The following SPIDR variants were observed in gnomAD, a reference collection of about 807,000 sequenced individuals.
The protein encoded by SPIDR is scaffold protein involved in DNA repair.
Under a neutral mutation model 104.6 loss-of-function variants are expected in SPIDR, and 93 were observed. That is an observed-to-expected ratio of 0.89 (90% CI 0.75 to 1.06). SPIDR has a LOEUF of 1.06. Ranked by LOEUF, SPIDR falls within the 50% of genes least tolerant of loss-of-function variation. The pLI is 0.00. For synonymous variants in SPIDR, 431 were observed against 416.9 expected, an observed-to-expected ratio of 1.03 and a Z score of -0.41; for missense variants, 1,154 against 1,111.2, an observed-to-expected ratio of 1.04 and a Z score of -0.55.
In SPIDR at chr8:47,410,835, G is replaced by A. The variant is rs1206340581; in HGVS notation, c.877+2874G>A. Among the ~76,000 whole-genome samples the A allele has an allele frequency of 2.6e-5, 4 of 152,096 alleles. No individual in the cohort carries two copies. The East Asian group carries it at 7.7e-4, about 29-fold the overall frequency. On this transcript the variant is annotated intron_variant, in intron 7 of 19. Coordinates refer to ENST00000297423, the MANE Select transcript of SPIDR (RefSeq NM_001080394.4). Reference sequence around the variant, plus strand: ...TCCCCCAACCCCACAACAGGCCTCAGTGTGTGATGTTCCCCTTCCTGTGTC... The same window carrying A: ...TCCCCCAACCCCACAACAGGCCTCAATGTGTGATGTTCCCCTTCCTGTGTC...
At chr8:47,626,038 A>G (rs2066036685) in intron 10 of SPIDR, among the ~76,000 whole-genome samples, 1 of 152,206 alleles carries the variant, frequency 6.6e-6, no homozygotes, top group Non-Finnish European at 1.5e-5. Flanking sequence ...ACCAAAACAG[A>G]GATATAGACC....
chr8:47,677,731 A>C (rs751401362), intron 11 of SPIDR, among the ~76,000 whole-genome samples: 5 of 152,246 alleles, frequency 3.3e-5, no homozygotes, highest in Admixed American at 6.5e-5. Context: ...TGATGATTCA[A>C]TTAACTAGAT....
intron 5 of SPIDR, among the ~76,000 whole-genome samples, chr8:47,372,307 A>G (rs1372885099): frequency 6.6e-6 from 1 of 152,232 alleles, no homozygotes; most frequent in Non-Finnish European, 1.5e-5. Flanking sequence ...AACGATAGGA[A>G]GGCTTATCTT....
intron 11 of SPIDR, among the ~76,000 whole-genome samples, chr8:47,674,696 A>G (rs183066935): frequency 1.5e-4 from 23 of 152,330 alleles, no homozygotes; most frequent in African/African-American, 5.3e-4. Flanking sequence ...TTCTGAGTGT[A>G]TGATATTCTG....
chr8:47,424,227 T>A (rs2066046773), intron 7 of SPIDR, among the ~76,000 whole-genome samples: 2 of 152,228 alleles, frequency 1.3e-5, no homozygotes, highest in Admixed American at 6.5e-5. Flanking sequence ...CGTTGTTTGA[T>A]CTCTGTTTAG....
intron 14 of SPIDR, 149 bp from the exon 15 acceptor site, chr8:47,712,513 G>A (rs1563631545): frequency 1.0e-6 from 1 of 957,366 alleles, no homozygotes; most frequent in South Asian, 1.8e-5. Context: ...TGGGGCTAGT[G>A]ACCAAGATGT....
chr8:47,657,693 G>T (rs530638500), intron 10 of SPIDR, among the ~76,000 whole-genome samples: 1 of 151,900 alleles, frequency 6.6e-6, no homozygotes, highest in African/African-American at 2.4e-5. Context: ...TATTTCTTAG[G>T]ACTGCATGTG....
chr8:47,584,028 A>G (rs1443556284), intron 8 of SPIDR, among the ~76,000 whole-genome samples: 16 of 152,220 alleles, frequency 1.1e-4, no homozygotes, highest in African/African-American at 3.9e-4. Context: ...AATGAACCAA[A>G]TGGACCTGGA....
In SPIDR at chr8:47,549,102, A is replaced by G. The variant is rs146414287; in HGVS notation, c.1098-46709A>G. The stretch of plus-strand genomic sequence containing the variant: ...TGTCCCTAACAAAGGACATGAACTC[A>G]TCCTTTCTTATGGCTGCATAGTATT... On this transcript the variant is annotated intron_variant, in intron 8 of 19. Transcript: ENST00000297423. 2.0e-5 allele frequency among the ~76,000 whole-genome samples: 3 copies of G among 152,280 alleles called. No individual in the cohort carries two copies. In the East Asian group the frequency reaches 5.8e-4, roughly 29 times the overall value.
chr8:47,602,999 A>G lies in SPIDR; in HGVS notation c.1544+3803A>G, dbSNP rs1478808825. 2.0e-5 allele frequency among the ~76,000 whole-genome samples: 3 copies of G among 152,318 alleles called. No individual in the cohort carries two copies. In the South Asian group the frequency reaches 6.2e-4, roughly 32 times the overall value. ...TAACCAACGCAAACTTAAGTTTTATAAATCACTAAAATCAAAGGTAACAAA... is the reference window on the plus strand; with the variant it reads ...TAACCAACGCAAACTTAAGTTTTATGAATCACTAAAATCAAAGGTAACAAA... On this transcript the variant is annotated intron_variant, in intron 10 of 19. Coordinates refer to ENST00000297423, the MANE Select transcript of SPIDR (RefSeq NM_001080394.4).
chr8:47,472,112 T>C (rs1389552687), intron 8 of SPIDR, among the ~76,000 whole-genome samples: 1 of 152,222 alleles, frequency 6.6e-6, no homozygotes, highest in Non-Finnish European at 1.5e-5. Flanking sequence ...TTCTGTATCT[T>C]CCCCATTTTC....
At chr8:47,660,755 C>T (rs1335081606) in intron 10 of SPIDR, among the ~76,000 whole-genome samples, 1 of 152,194 alleles carries the variant, frequency 6.6e-6, no homozygotes, top group Non-Finnish European at 1.5e-5. Context: ...TACCCTGTGC[C>T]ACTCTCAAGC....
At chr8:47,621,271 A>C (rs1038592461) in intron 10 of SPIDR, among the ~76,000 whole-genome samples, 1 of 152,206 alleles carries the variant, frequency 6.6e-6, no homozygotes, top group Non-Finnish European at 1.5e-5. Flanking sequence ...TATGGGTTTT[A>C]GTGTGTTCAC....
rs560720900 is a variant in SPIDR at position 47,654,385 on chromosome 8, G to A, written c.1545-19416G>A. ...AATAGACAGGTTACAGCAACTGGAT[G>A]TGAAAGGAAATAGAGTACTTCCAGG... On this transcript the variant is annotated intron_variant, in intron 10 of 19. Transcript: ENST00000297423. 3.9e-5 allele frequency among the ~76,000 whole-genome samples: 6 copies of A among 152,348 alleles called. No individual in the cohort carries two copies. In the East Asian group the frequency reaches 1.2e-3, roughly 29 times the overall value.
intron 10 of SPIDR, among the ~76,000 whole-genome samples, chr8:47,623,583 C>T (rs903190637): frequency 1.3e-5 from 2 of 152,122 alleles, no homozygotes; most frequent in African/African-American, 4.8e-5. Flanking sequence ...GCAGGGGTTG[C>T]AATCCTAGTC....
intron 8 of SPIDR, among the ~76,000 whole-genome samples, chr8:47,589,263 A>G (rs546657029): frequency 5.9e-5 from 9 of 151,672 alleles, no homozygotes; most frequent in African/African-American, 1.9e-4. Context: ...GCTCACACCT[A>G]TAATCCCAGC....
chr8:47,504,543 T>G (rs1257751583), intron 8 of SPIDR, among the ~76,000 whole-genome samples: 1 of 152,180 alleles, frequency 6.6e-6, no homozygotes, highest in Non-Finnish European at 1.5e-5. Context: ...CGTCTAATCT[T>G]TTTTCAAGGT....
At chr8:47,429,892 A>G (rs1554687880) in intron 7 of SPIDR, among the ~76,000 whole-genome samples, 1 of 151,934 alleles carries the variant, frequency 6.6e-6, no homozygotes, top group Non-Finnish European at 1.5e-5. Context: ...ACATATGTAT[A>G]CATGTGCCAT....
At chr8:47,312,237 T>C (rs587602173) in intron 5 of SPIDR, among the ~76,000 whole-genome samples, 5 of 152,312 alleles carry the variant, frequency 3.3e-5, no homozygotes, top group African/African-American at 1.2e-4. Flanking sequence ...ATATACCCAG[T>C]AATGGGATGG....
Sources: allele counts gnomAD v4.1 joint callset (sites outside exome capture counted in the v4.1 genomes callset), GRCh38; gene constraint gnomAD v4.1.1; transcripts MANE v1.5; gene names NCBI Gene and HGNC (gene_info 2026-07-23, HGNC 2026-07-21).